SPDYA: variants seen among roughly 807,000 people sequenced by gnomAD.
SPDYA encodes speedy/RINGO cell cycle regulator family member A, also known as speedy protein A.
In SPDYA, 11 loss-of-function variants were observed where a neutral mutation model predicts 36.7. The ratio of observed to expected loss-of-function variants is 0.30; its 90% CI spans 0.19 to 0.50. The LOEUF (loss-of-function observed/expected upper bound fraction) is 0.50, where lower values mean the gene tolerates loss of function less well. Among genes scored for constraint, SPDYA ranks in the 20% least tolerant of loss-of-function variants. SPDYA has a pLI of 0.98. For synonymous variants in SPDYA, 115 were observed against 118.7 expected, an observed-to-expected ratio of 0.97 and a Z score of 0.20; for missense variants, 287 against 370.9, an observed-to-expected ratio of 0.77 and a Z score of 1.86.
intron 6 of SPDYA, among the ~76,000 whole-genome samples, chr2:28,836,114 A>G (rs777117244): frequency 4.7e-4 from 71 of 152,230 alleles, no homozygotes; most frequent in Non-Finnish European, 8.5e-4. Context: ...ACAAATTATG[A>G]CTTTTACAGA....
At chr2:28,824,557 T>TTTTTTTCTTTCTTTG (rs1668271409) in intron 5 of SPDYA, among the ~76,000 whole-genome samples, 1 of 149,882 alleles carries the variant, frequency 6.7e-6, no homozygotes, top group African/African-American at 2.4e-5. Flanking sequence ...TTCTTTCTTT[T>TTTTTTTCTTTCTTTG]TTTTTTTGTG....
chr2:28,812,524 G>A (rs1667872149), intron 1 of SPDYA, among the ~76,000 whole-genome samples: 1 of 151,736 alleles, frequency 6.6e-6, no homozygotes, highest in Admixed American at 6.6e-5. Context: ...TATGAATCCT[G>A]GTATGATTTT....
rs1309143694 is a variant in SPDYA, at chr2:28,826,949, CT to C, written c.381-2179del. Among the ~76,000 whole-genome samples, 902 of 113,814 alleles carry C rather than the reference CT, an allele frequency of 7.9e-3. 10 individuals are homozygous for C. Among genetic ancestry groups the C allele is most frequent in the Admixed American group, 0.033 (341 of 10,478 alleles). The allele number at this position is 113,814 out of a possible 152,430, so 74.7% of individuals were successfully genotyped here. A position where few individuals can be genotyped will look rare whatever the true frequency, so the allele number is the denominator to read the frequency against. On this transcript the variant is annotated intron_variant, in intron 5 of 7. Transcript: ENST00000334056. ...TGCTATTTTCTTTTTTCTTTTCTTT[CT>C]TTTTTTTTTTTTTTTTTTTAAGAAG...
intron 7 of SPDYA, among the ~76,000 whole-genome samples, chr2:28,843,983 G>A (rs1221997295): frequency 1.3e-5 from 2 of 152,056 alleles, no homozygotes; most frequent in African/African-American, 2.4e-5. Flanking sequence ...AAAAAAATAT[G>A]CCAAGCTTTA....
intron 7 of SPDYA, among the ~76,000 whole-genome samples, chr2:28,844,202 A>C (rs1668817755): frequency 6.6e-6 from 1 of 152,224 alleles, no homozygotes; most frequent in African/African-American, 2.4e-5. Flanking sequence ...GGCTGTGCTA[A>C]GTATATGATC....
intron 5 of SPDYA, 80 bp downstream of exon 5, chr2:28,822,490 A>G: frequency 1.5e-6 from 1 of 645,576 alleles, no homozygotes; most frequent in Non-Finnish European, 2.5e-6. Flanking sequence ...GGCTATTTAA[A>G]ACCTTATGTA....
At chr2:28,814,503 T>C (rs1667935738) in intron 1 of SPDYA, 110 bp from the exon 2 acceptor site, 1 of 152,246 alleles carries the variant, frequency 6.6e-6, no homozygotes, top group African/African-American at 2.4e-5. Flanking sequence ...AAAGTAATTT[T>C]ATCTGTTTTG....
At chr2:28,819,820 TAAAAAAAAAA>T (rs1174507151) in intron 4 of SPDYA, among the ~76,000 whole-genome samples, 36 of 17,204 alleles carry the variant, frequency 2.1e-3, no homozygotes, top group African/African-American at 8.4e-3. Flanking sequence ...CCTGGTCTCT[TAAAAAAAAAA>T]AAAAAAAAAA....
chr2:28,816,143 G>T lies in SPDYA; in HGVS notation c.129G>T (p.Trp43Cys). 6.2e-7 allele frequency: 1 copy of T among 1,613,818 alleles called. No individual in the cohort carries two copies. Among genetic ancestry groups the T allele is most frequent in the Middle Eastern group, 1.7e-4 (1 of 6,060 alleles). The change falls in exon 3 of 8, where the codon TGG (tryptophan) becomes TGT (cysteine). Residue 43 changes from tryptophan to cysteine, a missense_variant. Coordinates refer to ENST00000334056, the MANE Select transcript of SPDYA (RefSeq NM_182756.4). ...TLKRPICKDN[W>C]QAFEKNTHNN... ...AGCGTCCTATTTGTAAAGATAATTG[G>T]CAAGCATTTGAAAAAAATACACATA...
intron 6 of SPDYA, among the ~76,000 whole-genome samples, chr2:28,836,337 T>C (rs1184751721): frequency 6.6e-6 from 1 of 152,216 alleles, no homozygotes; most frequent in Admixed American, 6.5e-5. Context: ...ATTTCTTGTC[T>C]TGGGAATTAA....
In SPDYA at chr2:28,823,702, AATATATATATATATATATATATATAT is replaced by A. The variant is rs1160889916; in HGVS notation, c.380+1310_380+1335del. Among the ~76,000 whole-genome samples, 24 of 49,224 alleles carry A rather than the reference AATATATATATATATATATATATATAT, an allele frequency of 4.9e-4. 1 individual carries two copies. The East Asian group carries it at 9.8e-3, about 20-fold the overall frequency. The allele number at this position is 49,224 out of a possible 152,430, so 32.3% of individuals were successfully genotyped here. ...ATAATGCTGTAGTTGGGAATGCATG[AATATATATATATATATATATATATAT>A]ATATATATATATATATAAAATTTTT... On this transcript the variant is annotated intron_variant, in intron 5 of 7. Transcript: ENST00000334056.
rs777338299 is a variant in SPDYA, at chr2:28,826,611, C to CTTTTTTTTTTTTTT, written c.381-2525_381-2512dup. Reference sequence around the variant, plus strand: ...AAATTTTCTTTTTCTTTCTTTCTCTCTTTTTTTTTTTTTTTTTTTTTTTTT... The same window carrying CTTTTTTTTTTTTTT: ...AAATTTTCTTTTTCTTTCTTTCTCTCTTTTTTTTTTTTTTTTTTTTTTTTTTTTTTTTTTTTTTT... On this transcript the variant is annotated intron_variant, in intron 5 of 7. Transcript: ENST00000334056. Among the ~76,000 whole-genome samples the CTTTTTTTTTTTTTT allele has an allele frequency of 1.9e-4, 14 of 75,346 alleles. 1 individual carries two copies. The highest frequency in any genetic ancestry group is 4.9e-4 in the East Asian group (1 of 2,038). The allele number at this position is 75,346 out of a possible 152,430, so 49.4% of individuals were successfully genotyped here. A position where few individuals can be genotyped will look rare whatever the true frequency, so the allele number is the denominator to read the frequency against.
At chr2:28,817,800 C>T (rs570306730) in intron 3 of SPDYA, among the ~76,000 whole-genome samples, 7 of 142,926 alleles carry the variant, frequency 4.9e-5, no homozygotes, top group South Asian at 4.5e-4. Context: ...ACAGTTGAGC[C>T]GAGATCATGC....
intron 3 of SPDYA, among the ~76,000 whole-genome samples, chr2:28,817,354 G>A (rs1172968834): frequency 1.3e-5 from 2 of 152,146 alleles, no homozygotes; most frequent in African/African-American, 4.8e-5. Flanking sequence ...CTGAGGTCAG[G>A]AGTTCAAGAC....
At chr2:28,825,820 C>T (rs1176877300) in intron 5 of SPDYA, among the ~76,000 whole-genome samples, 1 of 152,048 alleles carries the variant, frequency 6.6e-6, no homozygotes, top group African/African-American at 2.4e-5. Flanking sequence ...TCACTGCAAC[C>T]TCTACCTCTA....
rs529262322 is a variant in SPDYA, at chr2:28,829,431, T to C, written c.552+112T>C. ...TGGTATTCTGGGTTTTTTTTTTTTT[T>C]CTAATATGTGGAGTAGACCATTGAT... On this transcript the variant is annotated intron_variant, in intron 6 of 7. Coordinates refer to ENST00000334056, the MANE Select transcript of SPDYA (RefSeq NM_182756.4). The C allele has an allele frequency of 6.1e-5, 62 of 1,017,814 alleles. 1 individual carries two copies. The East Asian group carries it at 9.2e-4, about 15-fold the overall frequency. 63.0% of individuals were successfully genotyped at this position (1,017,814 alleles called of 1,614,324 possible).
At chr2:28,842,545 T>C (rs1165723461) in intron 7 of SPDYA, among the ~76,000 whole-genome samples, 2 of 151,808 alleles carry the variant, frequency 1.3e-5, no homozygotes, top group Admixed American at 6.6e-5. Flanking sequence ...CTTAGGGGAG[T>C]TGTAGAAGGA....
At chr2:28,830,255 G>A (rs549810539) in intron 6 of SPDYA, among the ~76,000 whole-genome samples, 3 of 145,182 alleles carry the variant, frequency 2.1e-5, no homozygotes, top group African/African-American at 7.6e-5. Context: ...CCAGGCTGGA[G>A]TGCAGTGGTG....
chr2:28,842,526 G>A (rs1265965499), intron 7 of SPDYA, among the ~76,000 whole-genome samples: 1 of 152,116 alleles, frequency 6.6e-6, no homozygotes, highest in African/African-American at 2.4e-5. Flanking sequence ...ATGAAAAGTG[G>A]GGTATTAACT....
Sources: gnomAD v4.1 joint callset for allele counts (sites outside exome capture counted in the v4.1 genomes callset) on GRCh38, gnomAD v4.1.1 for gene constraint, MANE v1.5 for transcripts, NCBI Gene and HGNC (gene_info 2026-07-23, HGNC 2026-07-21) for gene names.